The following FSD2 variants were observed in gnomAD, a reference collection of about 807,000 sequenced individuals.
FSD2 encodes fibronectin type III and SPRY domain containing 2.
In FSD2, 71 loss-of-function variants were observed where a neutral mutation model predicts 80.4. That is an observed-to-expected ratio of 0.88 (90% CI 0.73 to 1.08). The LOEUF (loss-of-function observed/expected upper bound fraction) is 1.08, where lower values mean the gene tolerates loss of function less well. FSD2 is among the 50% of genes least tolerant of loss of function. The pLI is 0.00. For synonymous variants in FSD2, 361 were observed against 329.5 expected (o/e 1.10, Z -1.03); for missense variants, 923 against 913.8 (o/e 1.01, Z -0.13).
intron 1 of FSD2, among the ~76,000 whole-genome samples, chr15:82,798,392 G>C (rs1319018828): frequency 2.0e-5 from 3 of 152,056 alleles, no homozygotes; most frequent in South Asian, 2.1e-4. Context: ...CATGTTTTAA[G>C]TGCACAATTC....
In FSD2 at chr15:82,758,871, A is replaced by C. The variant is rs963735756; in HGVS notation, c.*477T>G. On this transcript the variant is annotated 3_prime_UTR_variant, in exon 13 of 13. Coordinates refer to ENST00000334574, the MANE Select transcript of FSD2 (RefSeq NM_001007122.4). Reference sequence around the variant, plus strand: ...CACAGTGCTGCTCACTATTGGGAAAACGAGGGTAGAAGACATTGAGAAGGG... The same window carrying C: ...CACAGTGCTGCTCACTATTGGGAAACCGAGGGTAGAAGACATTGAGAAGGG... 21 of 170,370 alleles carry C rather than the reference A, an allele frequency of 1.2e-4. No homozygotes were observed. Among genetic ancestry groups the C allele is most frequent in the African/African-American group, 5.0e-4 (21 of 41,640 alleles). The allele number at this position is 170,370 out of a possible 1,614,324, so 10.6% of individuals were successfully genotyped here. A position where few individuals can be genotyped will look rare whatever the true frequency, so the allele number is the denominator to read the frequency against.
At chr15:82,795,733 G>T (rs1162619296) in intron 1 of FSD2, among the ~76,000 whole-genome samples, 1 of 152,098 alleles carries the variant, frequency 6.6e-6, no homozygotes, top group African/African-American at 2.4e-5. Flanking sequence ...TCAGGAGGCT[G>T]AGGTAGGAGG....
chr15:82,803,613 G>T (rs1036472279), intron 1 of FSD2, among the ~76,000 whole-genome samples: 1 of 152,032 alleles, frequency 6.6e-6, no homozygotes, highest in African/African-American at 2.4e-5. Context: ...ATCCAACATG[G>T]CCCTCCATGA....
In FSD2 at chr15:82,787,009, C is replaced by T. The variant is rs1194214777; in HGVS notation, c.382G>A (p.Glu128Lys). 2 of 1,614,034 alleles carry T rather than the reference C, an allele frequency of 1.2e-6. No homozygotes were observed. The highest frequency in any genetic ancestry group is 1.7e-6 in the Non-Finnish European group (2 of 1,179,898). ...RDWRLSGEAAEAEDLGFGGWG... is the reference protein window; with the variant it reads ...RDWRLSGEAAKAEDLGFGGWG... The stretch of plus-strand genomic sequence containing the variant: ...CCTCCGAAGCCCAGGTCCTCGGCCT[C>T]CGCTGCCTCTCCACTAAGTCTCCAG... Residue 128 changes from glutamate to lysine, a missense_variant, in exon 2 of 13, where the codon GAG (glutamate) becomes AAG (lysine). Coordinates refer to ENST00000334574, the MANE Select transcript of FSD2 (RefSeq NM_001007122.4).
At position 82,769,738 on chromosome 15, in the gene FSD2, G is replaced by A. The variant is rs1486541150; in HGVS notation, c.1402+12C>T. ...ATGAAAGCCCTGCTATAGGAAATGA[G>A]TAGCCCATTACCTGTCATGTACACT... On this transcript the variant is annotated intron_variant, in intron 8 of 12. Transcript: ENST00000334574. 3.7e-6 allele frequency: 6 copies of A among 1,600,868 alleles called. No homozygotes were observed. The highest frequency in any genetic ancestry group is 1.7e-5 in the Admixed American group (1 of 59,406).
In FSD2 at chr15:82,780,259, C is replaced by G. The variant is rs764268183; in HGVS notation, c.975G>C (p.Val325=). Residue 325 remains valine, a synonymous_variant, in exon 5 of 13, where the codon GTG becomes GTC. Coordinates refer to ENST00000334574, the MANE Select transcript of FSD2 (RefSeq NM_001007122.4). ...EEKVDFIKDA[V]AMADRLGKFL... ...AAATGTATTACCTGTCAGCCATAGC[C>G]ACTGCATCCTAAAAAGGAAAAAGAG... is the stretch of plus-strand genomic sequence containing the variant. The G allele has an allele frequency of 1.3e-6, 2 of 1,503,076 alleles. No individual in the cohort carries two copies. The highest frequency in any genetic ancestry group is 2.6e-5 in the South Asian group (2 of 75,646). 93.1% of individuals were successfully genotyped at this position (1,503,076 alleles called of 1,614,324 possible).
chr15:82,774,223 G>C (rs746330252), intron 6 of FSD2, among the ~76,000 whole-genome samples: 2 of 152,188 alleles, frequency 1.3e-5, no homozygotes, highest in East Asian at 3.9e-4. Flanking sequence ...TAGGTGTACG[G>C]TGCCACACCA....
In FSD2 at chr15:82,778,861, G is replaced by C. The variant is rs941761539; in HGVS notation, c.1016C>G (p.Thr339Arg). Residue 339 changes from threonine (T) to arginine (R), a missense_variant, in exon 6 of 13, where the codon ACA (threonine) becomes AGA (arginine). Physicochemically the swap from Thr to Arg is moderately conservative, Grantham distance 71 (BLOSUM62 -1). Coordinates refer to ENST00000334574, the MANE Select transcript of FSD2 (RefSeq NM_001007122.4). ...AGGCTGTGCAGAGATTTCCACGTCT[G>C]TTTTTGTTTTCAGGAATTTCCCGAG... ...DRLGKFLKTK[T>R]DVEISAQPEF... is the part of the protein sequence containing the mutation. 2 of 1,613,748 alleles carry C rather than the reference G, an allele frequency of 1.2e-6. No homozygotes were observed. The highest frequency in any genetic ancestry group is 2.7e-5 in the African/African-American group (2 of 74,898).
rs2049901887 is a variant in FSD2, at chr15:82,782,873, T to C, written c.888A>G (p.Gly296=). Residue 296 remains glycine, a synonymous_variant, in exon 4 of 13, where the codon GGA becomes GGG. Transcript: ENST00000334574. ...GTTCTTTGCAAGTATCTAGGTTTTC[T>C]CCACAGCTGACCAGTTGTCCATATA... is the stretch of plus-strand genomic sequence containing the variant. ...EALYGQLVSC[G]ENLDTCKELM... 6.2e-7 allele frequency: 1 copy of C among 1,614,066 alleles called. No homozygotes were observed. Among genetic ancestry groups the C allele is most frequent in the African/African-American group, 1.3e-5 (1 of 75,070 alleles).
At chr15:82,781,279 A>G (rs1319333727) in intron 4 of FSD2, among the ~76,000 whole-genome samples, 1 of 152,184 alleles carries the variant, frequency 6.6e-6, no homozygotes, top group East Asian at 1.9e-4. Context: ...CATGTTCTGC[A>G]TATGGTGGGC....
intron 11 of FSD2, among the ~76,000 whole-genome samples, chr15:82,763,469 A>G (rs1596227305): frequency 6.6e-6 from 1 of 152,362 alleles, no homozygotes; most frequent in Non-Finnish European, 1.5e-5. Flanking sequence ...GGATGATTGC[A>G]TGAGATGAAA....
intron 8 of FSD2, 148 bp downstream of exon 8, chr15:82,769,602 G>T: frequency 1.1e-6 from 1 of 935,408 alleles, no homozygotes; most frequent in Non-Finnish European, 1.5e-6. Context: ...TAGGCATGTA[G>T]ATTTTGTGTG....
rs1415082480 is a variant in FSD2 at position 82,788,225 on chromosome 15, G to T, written c.-78-757C>A. Among the ~76,000 whole-genome samples, 3 of 152,056 alleles carry T rather than the reference G, an allele frequency of 2.0e-5. No homozygotes were observed. In the South Asian group the frequency reaches 6.2e-4, roughly 32 times the overall value. ...AAAGTAACAGAACAGGCCTGGCGTG[G>T]TGGCTCATGCCCATAATCCCAGTAC... On this transcript the variant is annotated intron_variant, in intron 1 of 12. Coordinates refer to ENST00000334574, the MANE Select transcript of FSD2 (RefSeq NM_001007122.4).
chr15:82,800,392 G>C (rs187759333), intron 1 of FSD2, among the ~76,000 whole-genome samples: 1 of 152,116 alleles, frequency 6.6e-6, no homozygotes, highest in African/African-American at 2.4e-5. Flanking sequence ...GGAGGAAAAT[G>C]ATAAAAGCCC....
intron 1 of FSD2, among the ~76,000 whole-genome samples, chr15:82,795,374 G>T (rs897239230): frequency 6.6e-6 from 1 of 151,620 alleles, no homozygotes; most frequent in African/African-American, 2.4e-5. Context: ...AATATAACAC[G>T]CCCCCAAAGA....
chr15:82,770,415 T>TA (rs2049537641), intron 7 of FSD2, among the ~76,000 whole-genome samples: 1 of 152,232 alleles, frequency 6.6e-6, no homozygotes, highest in Admixed American at 6.5e-5. Flanking sequence ...CTCATGCCTA[T>TA]AGTCCCAGCA....
chr15:82,778,301 A>G (rs2049772690), intron 6 of FSD2, among the ~76,000 whole-genome samples: 1 of 151,904 alleles, frequency 6.6e-6, no homozygotes, highest in Non-Finnish European at 1.5e-5. Flanking sequence ...GTCCATCAAT[A>G]GATGGATGGA....
chr15:82,801,838 A>G (rs372355656), intron 1 of FSD2, among the ~76,000 whole-genome samples: 18 of 152,296 alleles, frequency 1.2e-4, no homozygotes, highest in Admixed American at 3.3e-4. Flanking sequence ...ATTAAAGCAC[A>G]CAAGGCACCA....
Position 82,786,619 on chromosome 15 carries a change from G to A in FSD2, c.640-13C>T. Reference sequence around the variant, plus strand: ...TGTGAATTTCATCCTATCCAACAGAGGATCACAAAGAAGGTATTAATGTTA... The same window carrying A: ...TGTGAATTTCATCCTATCCAACAGAAGATCACAAAGAAGGTATTAATGTTA... On this transcript the variant is annotated splice_polypyrimidine_tract_variant and intron_variant, in intron 2 of 12. Transcript: ENST00000334574. 1 of 1,610,204 alleles carries A rather than the reference G, an allele frequency of 6.2e-7. No homozygotes were observed. The highest frequency in any genetic ancestry group is 2.2e-5 in the East Asian group (1 of 44,874).
Sources: gnomAD v4.1 joint callset for allele counts (sites outside exome capture counted in the v4.1 genomes callset) on GRCh38, gnomAD v4.1.1 for gene constraint, MANE v1.5 for transcripts, NCBI Gene and HGNC (gene_info 2026-07-23, HGNC 2026-07-21) for gene names.